The following TMC2 variants were observed in gnomAD, a reference collection of about 807,000 sequenced individuals.
TMC2 encodes the protein transmembrane channel-like protein 2.
TMC2 carries 102 observed loss-of-function variants against 105.9 expected under a neutral mutation model. The observed-to-expected ratio is 0.96, with a 90% CI of 0.82 to 1.14. The LOEUF (loss-of-function observed/expected upper bound fraction) is 1.14, where lower values mean the gene tolerates loss of function less well. TMC2 is among the 50% of genes most tolerant of loss of function. TMC2 has a pLI of 0.00. For synonymous variants in TMC2, 402 were observed against 422.8 expected (o/e 0.95, Z 0.60); for missense variants, 1,093 against 1,134.3 (o/e 0.96, Z 0.52).
chr20:2,584,342 G>C (rs1395652167), intron 7 of TMC2, among the ~76,000 whole-genome samples: 1 of 142,810 alleles, frequency 7.0e-6, no homozygotes, highest in Non-Finnish European at 1.5e-5. Flanking sequence ...TACTTGGGAG[G>C]CTGAGGCAGG....
chr20:2,635,956 CA>C lies in TMC2; in HGVS notation c.2341del (p.Ser781AlafsTer9). On this transcript the variant is annotated frameshift_variant, in exon 18 of 20. Transcript: ENST00000358864. LOFTEE classifies it high-confidence loss of function. ...LAIYYLNSVS[K>X]SLSRANAQLR... ...CCATTTACTACCTGAACTCAGTTTCCAAAAGCCTTTCCCGAGCTAATGCCCA... is the reference window on the plus strand; with the variant it reads ...CCATTTACTACCTGAACTCAGTTTCCAAAGCCTTTCCCGAGCTAATGCCCA... 6.2e-7 allele frequency: 1 copy of C among 1,614,130 alleles called. No individual in the cohort carries two copies. Among genetic ancestry groups the C allele is most frequent in the African/African-American group, 1.3e-5 (1 of 75,024 alleles).
chr20:2,594,264 G>C (rs1471424099), intron 8 of TMC2, among the ~76,000 whole-genome samples: 1 of 120,242 alleles, frequency 8.3e-6, no homozygotes, highest in Admixed American at 1.0e-4. Flanking sequence ...GTCTCCCTCT[G>C]TTGCCCAGGC....
intron 5 of TMC2, among the ~76,000 whole-genome samples, chr20:2,575,622 A>G (rs1029962381): frequency 6.6e-6 from 1 of 152,226 alleles, no homozygotes; most frequent in Non-Finnish European, 1.5e-5. Flanking sequence ...AGGTCTCTAG[A>G]CAAATACATC....
At chr20:2,579,088 C>T in intron 5 of TMC2, 58 bp from the exon 6 acceptor site, 3 of 977,976 alleles carry the variant, frequency 3.1e-6, no homozygotes, top group Non-Finnish European at 4.9e-6. Context: ...TCATCATGCC[C>T]CTTTGTGCTC....
chr20:2,537,389 C>A, intron 2 of TMC2, 73 bp downstream of exon 2: 2 of 1,226,818 alleles, frequency 1.6e-6, no homozygotes, highest in Admixed American at 2.0e-5. Flanking sequence ...AACAGTCCAG[C>A]CACCCATCCA....
At chr20:2,590,244 A>T (rs1328292702) in intron 7 of TMC2, among the ~76,000 whole-genome samples, 1 of 152,204 alleles carries the variant, frequency 6.6e-6, no homozygotes, top group Non-Finnish European at 1.5e-5. Context: ...ATAAGGAAAA[A>T]CAAGGGAATT....
At chr20:2,562,656 T>C (rs1191949221) in intron 4 of TMC2, among the ~76,000 whole-genome samples, 1 of 152,204 alleles carries the variant, frequency 6.6e-6, no homozygotes, top group Admixed American at 6.5e-5. Context: ...GGGTCTTTGC[T>C]GCAGTTTTAA....
At chr20:2,633,895 T>C (rs898488485) in intron 17 of TMC2, among the ~76,000 whole-genome samples, 5 of 152,206 alleles carry the variant, frequency 3.3e-5, no homozygotes, top group African/African-American at 1.2e-4. Flanking sequence ...CTGAAAAAAT[T>C]TGATTCTGAC....
chr20:2,621,134 G>A (rs753311913), intron 16 of TMC2, among the ~76,000 whole-genome samples: 45 of 152,036 alleles, frequency 3.0e-4, no homozygotes, highest in Non-Finnish European at 5.6e-4. Flanking sequence ...AGGCTGAGGC[G>A]GGCAGATCAC....
intron 5 of TMC2, among the ~76,000 whole-genome samples, chr20:2,574,313 T>C (rs2086127249): frequency 6.6e-6 from 1 of 152,240 alleles, no homozygotes; most frequent in Admixed American, 6.5e-5. Flanking sequence ...TTTCATAAGA[T>C]TGATATGAAT....
chr20:2,595,456 A>G (rs763449720), intron 9 of TMC2, among the ~76,000 whole-genome samples: 17 of 152,144 alleles, frequency 1.1e-4, no homozygotes, highest in Non-Finnish European at 1.8e-4. Context: ...GGCATATAGA[A>G]AGATACAACC....
intron 14 of TMC2, 107 bp downstream of exon 14, chr20:2,613,429 T>C: frequency 6.7e-7 from 1 of 1,491,714 alleles, no homozygotes; most frequent in South Asian, 1.1e-5. Flanking sequence ...GGAAGCTTAA[T>C]GACGGTCTCT....
At chr20:2,636,050 GT>G in intron 18 of TMC2, 46 bp downstream of exon 18, 1 of 1,560,734 alleles carries the variant, frequency 6.4e-7, no homozygotes, top group South Asian at 1.1e-5. Flanking sequence ...AAGAGATCAT[GT>G]TTTTGGTTTT....
chr20:2,642,999 C>G lies in TMC2; in HGVS notation c.*1648C>G, dbSNP rs2086698890. 6.6e-6 allele frequency among the ~76,000 whole-genome samples: 1 copy of G among 152,164 alleles called. No individual in the cohort carries two copies. The highest frequency in any genetic ancestry group is 6.5e-5 in the Admixed American group (1 of 15,272). On this transcript the variant is annotated 3_prime_UTR_variant, in exon 20 of 20. Coordinates refer to ENST00000358864, the MANE Select transcript of TMC2 (RefSeq NM_080751.3). The stretch of plus-strand genomic sequence containing the variant: ...ATAAGCTGTACAATTAAAATAATTT[C>G]TAACTTCCCTCCCAAATCCCTTCCC...
chr20:2,538,494 T>C (rs1453426036), intron 2 of TMC2, among the ~76,000 whole-genome samples: 1 of 152,134 alleles, frequency 6.6e-6, no homozygotes, highest in Non-Finnish European at 1.5e-5. Flanking sequence ...GACCACTGCC[T>C]GTAGGATGCT....
At position 2,642,971 on chromosome 20, in the gene TMC2, T is replaced by C. The variant is rs543997874; in HGVS notation, c.*1620T>C. Among the ~76,000 whole-genome samples, 4 of 152,246 alleles carry C rather than the reference T, an allele frequency of 2.6e-5. No homozygotes were observed. Among genetic ancestry groups the C allele is most frequent in the African/African-American group, 9.6e-5 (4 of 41,510 alleles). On this transcript the variant is annotated 3_prime_UTR_variant, in exon 20 of 20. Coordinates refer to ENST00000358864, the MANE Select transcript of TMC2 (RefSeq NM_080751.3). ...GAGAGACGAAGATTTTTACAGCAAT[T>C]TCATAAGCTGTACAATTAAAATAAT...
At chr20:2,600,895 G>A (rs529115059) in intron 10 of TMC2, among the ~76,000 whole-genome samples, 102 of 151,106 alleles carry the variant, frequency 6.8e-4, no homozygotes, top group Non-Finnish European at 1.1e-3. Context: ...GCTGAGGCAG[G>A]AGAATCACTT....
chr20:2,572,531 T>A lies in TMC2; in HGVS notation c.645+262T>A, dbSNP rs1156401012. Among the ~76,000 whole-genome samples the A allele has an allele frequency of 2.6e-5, 4 of 152,204 alleles. No individual in the cohort carries two copies. The East Asian group carries it at 7.7e-4, about 29-fold the overall frequency. The stretch of plus-strand genomic sequence containing the variant: ...GTGAATACACTTAGAGAACTAATGA[T>A]GTTAAAACCACTGGGATTTTATTTT... On this transcript the variant is annotated intron_variant, in intron 5 of 19. Transcript: ENST00000358864.
chr20:2,546,572 G>T (rs536194261), intron 2 of TMC2, among the ~76,000 whole-genome samples: 58 of 152,006 alleles, frequency 3.8e-4, no homozygotes, highest in African/African-American at 1.3e-3. Context: ...TTAGCTTGAG[G>T]TCACCAATAG....
Sources: gnomAD v4.1 joint callset for allele counts (sites outside exome capture counted in the v4.1 genomes callset) on GRCh38, gnomAD v4.1.1 for gene constraint, MANE v1.5 for transcripts, NCBI Gene and HGNC (gene_info 2026-07-23, HGNC 2026-07-21) for gene names.